The following KPNA4 variants were observed in gnomAD, a reference collection of about 807,000 sequenced individuals.
KPNA4 encodes karyopherin subunit alpha 4, also known as importin subunit alpha-3.
In KPNA4, 13 loss-of-function variants were observed where a neutral mutation model predicts 71.3. The observed-to-expected ratio is 0.18, with a 90% CI of 0.12 to 0.29. KPNA4 has a LOEUF of 0.29. Among genes scored for constraint, KPNA4 ranks in the 10% least tolerant of loss-of-function variants. The probability of loss-of-function intolerance (pLI) is 1.00; values close to 1 mark genes in which losing one functional copy is unlikely to be tolerated. For missense variants in KPNA4, 334 were observed against 603.2 expected, an observed-to-expected ratio of 0.55 and a Z score of 4.67; for synonymous variants, 189 against 195.2, an observed-to-expected ratio of 0.97 and a Z score of 0.26.
At chr3:160,549,311 G>A (rs945651397) in intron 1 of KPNA4, among the ~76,000 whole-genome samples, 4 of 152,012 alleles carry the variant, frequency 2.6e-5, no homozygotes, top group Non-Finnish European at 4.4e-5. Flanking sequence ...GTCTATTTTT[G>A]CTTTTATAGC....
chr3:160,547,483 C>A (rs1721946300), intron 1 of KPNA4, among the ~76,000 whole-genome samples: 1 of 152,114 alleles, frequency 6.6e-6, no homozygotes, highest in African/African-American at 2.4e-5. Flanking sequence ...CCCATATATT[C>A]CCTGCCCCCA....
At chr3:160,507,499 CAA>C (rs57528939) in intron 15 of KPNA4, among the ~76,000 whole-genome samples, 71 of 49,442 alleles carry the variant, frequency 1.4e-3, no homozygotes, top group African/African-American at 3.8e-3. Context: ...GACACTGTCT[CAA>C]AAAAAAAAAA....
Position 160,530,944 on chromosome 3 carries a change from C to CAAA in KPNA4, c.384-7_384-5dup. ...AGCTTCAAACTGTAAAGAAGGACTACAAAAAAAAACAAGTATTTTTAAACA... is the reference window on the plus strand; with the variant it reads ...AGCTTCAAACTGTAAAGAAGGACTACAAAAAAAAAAAACAAGTATTTTTAAACA... On this transcript the variant is annotated splice_polypyrimidine_tract_variant and splice_region_variant and intron_variant, in intron 6 of 16. Transcript: ENST00000334256. The CAAA allele has an allele frequency of 6.4e-7, 1 of 1,553,438 alleles. No individual in the cohort carries two copies. Among genetic ancestry groups the CAAA allele is most frequent in the Non-Finnish European group, 8.7e-7 (1 of 1,143,688 alleles).
At chr3:160,515,775 C>T (rs949414628) in intron 11 of KPNA4, among the ~76,000 whole-genome samples, 195 bp from the exon 12 acceptor site, 7 of 151,998 alleles carry the variant, frequency 4.6e-5, no homozygotes, top group African/African-American at 7.2e-5. Context: ...CGACCCTGTC[C>T]GGCTAATTTT....
intron 5 of KPNA4, among the ~76,000 whole-genome samples, chr3:160,532,683 T>G (rs1721597527): frequency 1.3e-5 from 2 of 152,220 alleles, no homozygotes; most frequent in African/African-American, 4.8e-5. Flanking sequence ...AAGCAATGTT[T>G]ATGAAAGCTT....
intron 8 of KPNA4, 94 bp from the exon 9 acceptor site, chr3:160,526,201 AT>A: frequency 1.1e-6 from 1 of 905,462 alleles, no homozygotes; most frequent in South Asian, 3.0e-5. Flanking sequence ...TGCTTCATGT[AT>A]TTTATCCAGA....
chr3:160,515,178 T>C (rs180777154), intron 12 of KPNA4: 215 of 538,896 alleles, frequency 4.0e-4, no homozygotes, highest in Admixed American at 9.4e-4. Context: ...AATATACATA[T>C]TAAAAATTTC....
At chr3:160,506,762 TG>T (rs1720991797) in intron 15 of KPNA4, among the ~76,000 whole-genome samples, 2 of 152,268 alleles carry the variant, frequency 1.3e-5, no homozygotes, top group African/African-American at 4.8e-5. Context: ...TGTTATTTTT[TG>T]TTACTTAATC....
chr3:160,546,239 C>G (rs1263013928), intron 1 of KPNA4, among the ~76,000 whole-genome samples: 2 of 152,110 alleles, frequency 1.3e-5, no homozygotes, highest in Admixed American at 1.3e-4. Flanking sequence ...TGTGCAAGGC[C>G]AGGCATGGCA....
intron 5 of KPNA4, among the ~76,000 whole-genome samples, chr3:160,535,284 C>T (rs919186000): frequency 1.3e-5 from 2 of 151,954 alleles, no homozygotes; most frequent in Non-Finnish European, 2.9e-5. Context: ...TATATTAAAC[C>T]TTCAGTGTAC....
chr3:160,551,448 A>G (rs2108559493), intron 1 of KPNA4, among the ~76,000 whole-genome samples: 1 of 152,106 alleles, frequency 6.6e-6, no homozygotes, highest in Middle Eastern at 3.4e-3. Flanking sequence ...TGGAGGTTTA[A>G]GTTCTATCTG....
intron 13 of KPNA4, among the ~76,000 whole-genome samples, chr3:160,513,249 G>GTTTTTTTT (rs946090860): frequency 1.9e-4 from 15 of 80,636 alleles, no homozygotes; most frequent in Non-Finnish European, 2.5e-4. Flanking sequence ...CTACTTTGTG[G>GTTTTTTTT]TTTTTTTTTT....
intron 1 of KPNA4, among the ~76,000 whole-genome samples, chr3:160,557,608 A>T (rs959446055): frequency 6.6e-6 from 1 of 152,222 alleles, no homozygotes; most frequent in African/African-American, 2.4e-5. Context: ...TTTAGGGAAA[A>T]AATGACAGGT....
intron 1 of KPNA4, among the ~76,000 whole-genome samples, chr3:160,552,417 G>A (rs1045065339): frequency 1.3e-5 from 2 of 151,382 alleles, no homozygotes; most frequent in African/African-American, 4.8e-5. Flanking sequence ...GTACCCTCCT[G>A]TTTTCTTAAA....
intron 1 of KPNA4, among the ~76,000 whole-genome samples, chr3:160,552,435 T>A (rs1330629250): frequency 2.6e-5 from 4 of 152,010 alleles, no homozygotes; most frequent in Non-Finnish European, 4.4e-5. Flanking sequence ...AAAAAAAAAA[T>A]TTCATTTAAT....
At chr3:160,559,495 C>T (rs892078402) in intron 1 of KPNA4, among the ~76,000 whole-genome samples, 1 of 152,180 alleles carries the variant, frequency 6.6e-6, no homozygotes, top group South Asian at 2.1e-4. Flanking sequence ...CATGGTATTA[C>T]AAAAAGCATC....
At position 160,552,351 on chromosome 3, in the gene KPNA4, T is replaced by C. The variant is rs76973516; in HGVS notation, c.69+12863A>G. ...ACTTGTATTCCATAAATTTATATAA[T>C]ACACAAGATAACCTTAAAAATAAAA... On this transcript the variant is annotated intron_variant, in intron 1 of 16. Coordinates refer to ENST00000334256, the MANE Select transcript of KPNA4 (RefSeq NM_002268.5). Among the ~76,000 whole-genome samples the C allele has an allele frequency of 2.3e-3, 344 of 152,274 alleles. 2 individuals carry two copies. Among genetic ancestry groups the C allele is most frequent in the African/African-American group, 7.7e-3 (322 of 41,568 alleles).
chr3:160,549,513 CGTTT>C (rs1169123178), intron 1 of KPNA4, among the ~76,000 whole-genome samples: 2 of 152,130 alleles, frequency 1.3e-5, no homozygotes, highest in Admixed American at 1.3e-4. Context: ...TTCCCAGCAC[CGTTT>C]GTTAAAGGAC....
rs1213270773 is a variant in KPNA4 at position 160,508,123 on chromosome 3, A to C, written c.1356T>G (p.Leu452=). ...AEDEAETIGN[L]IEECGGLEKI... is the part of the protein sequence containing the mutation. ...TAAACTTACCTCCACATTCTTCTAT[A>C]AGATTGCCTATGGTTTCTGCCTCAT... Residue 452 remains leucine, a synonymous_variant, in exon 15 of 17, where the codon CTT becomes CTG. Transcript: ENST00000334256. The C allele has an allele frequency of 6.2e-7, 1 of 1,602,818 alleles. No individual in the cohort carries two copies. Among genetic ancestry groups the C allele is most frequent in the East Asian group, 2.3e-5 (1 of 44,196 alleles).
Sources: allele counts gnomAD v4.1 joint callset (sites outside exome capture counted in the v4.1 genomes callset), GRCh38; gene constraint gnomAD v4.1.1; transcripts MANE v1.5; gene names NCBI Gene and HGNC (gene_info 2026-07-23, HGNC 2026-07-21).